The following PTPRD variants were observed in gnomAD, a reference collection of about 807,000 sequenced individuals.
PTPRD encodes receptor-type tyrosine-protein phosphatase delta.
PTPRD carries 34 observed loss-of-function variants against 214.5 expected under a neutral mutation model. That is an observed-to-expected ratio of 0.16 (90% CI 0.12 to 0.21). The LOEUF is 0.21. Among genes scored for constraint, PTPRD ranks in the 10% least tolerant of loss-of-function variants. The probability of loss-of-function intolerance (pLI) is 1.00; values close to 1 mark genes in which losing one functional copy is unlikely to be tolerated. For synonymous variants in PTPRD, 1,128 were observed against 845.7 expected (o/e 1.33, Z -5.79); for missense variants, 2,545 against 2,398.7 (o/e 1.06, Z -1.27).
chr9:9,112,030 C>G (rs1415657508), intron 10 of PTPRD, among the ~76,000 whole-genome samples: 1 of 152,108 alleles, frequency 6.6e-6, no homozygotes, highest in Non-Finnish European at 1.5e-5. Flanking sequence ...AGCCATTTTT[C>G]TTCTCATTTT....
At chr9:9,801,880 TCAGGCAAG>T (rs983570425) in intron 5 of PTPRD, among the ~76,000 whole-genome samples, 132 of 152,132 alleles carry the variant, frequency 8.7e-4, no homozygotes, top group African/African-American at 3.1e-3. Flanking sequence ...GGCACAAAAC[TCAGGCAAG>T]CAGTGCTTAC....
chr9:9,771,941 G>C (rs1390646974), intron 5 of PTPRD, among the ~76,000 whole-genome samples: 1 of 152,060 alleles, frequency 6.6e-6, no homozygotes, highest in Non-Finnish European at 1.5e-5. Context: ...AAACAGATAA[G>C]CATCATTGTT....
At chr9:10,553,608 G>C (rs1268627901) in intron 2 of PTPRD, among the ~76,000 whole-genome samples, 1 of 151,898 alleles carries the variant, frequency 6.6e-6, no homozygotes, top group Non-Finnish European at 1.5e-5. Context: ...AGTTTCATCT[G>C]GCTTTATTTA....
At chr9:9,748,938 G>A (rs2098485503) in intron 6 of PTPRD, among the ~76,000 whole-genome samples, 1 of 152,090 alleles carries the variant, frequency 6.6e-6, no homozygotes, top group Non-Finnish European at 1.5e-5. Context: ...TGACAACATG[G>A]CTGGTGATAA....
chr9:9,192,765 T>C (rs1433784093), intron 9 of PTPRD, among the ~76,000 whole-genome samples: 1 of 151,986 alleles, frequency 6.6e-6, no homozygotes, highest in Non-Finnish European at 1.5e-5. Context: ...GGAAAACTAA[T>C]TTACACTGGA....
intron 8 of PTPRD, among the ~76,000 whole-genome samples, chr9:9,571,731 G>T (rs1035212854): frequency 3.3e-4 from 49 of 150,582 alleles, no homozygotes; most frequent in Admixed American, 9.3e-4. Context: ...TATATATATT[G>T]ATTTAACAAA....
intron 34 of PTPRD, among the ~76,000 whole-genome samples, chr9:8,444,790 A>G (rs1265845941): frequency 2.0e-5 from 3 of 152,154 alleles, no homozygotes; most frequent in African/African-American, 7.2e-5. Flanking sequence ...CGGAGAGACT[A>G]AAGTAATTTG....
chr9:9,164,956 C>T (rs569554014), intron 10 of PTPRD, among the ~76,000 whole-genome samples: 28 of 150,786 alleles, frequency 1.9e-4, no homozygotes, highest in South Asian at 4.2e-4. Context: ...GGGAGGCTGA[C>T]GTAGGAGAAT....
chr9:8,358,976 C>G (rs1026458446), intron 39 of PTPRD, among the ~76,000 whole-genome samples: 3 of 149,672 alleles, frequency 2.0e-5, no homozygotes, highest in Non-Finnish European at 4.4e-5. Context: ...GGCGTGGTGG[C>G]GGGCGCCTGT....
intron 8 of PTPRD, among the ~76,000 whole-genome samples, chr9:9,550,781 G>A (rs2080015780): frequency 6.6e-6 from 1 of 151,528 alleles, no homozygotes; most frequent in Non-Finnish European, 1.5e-5. Flanking sequence ...AATAGCAAAG[G>A]AGCAAAAGAC....
rs993964332 is a variant in PTPRD, at chr9:9,090,879, T to C, written c.-142-72144A>G. ...TTAAAAATTTCTTTAAATAGCTGTC[T>C]CCGGTCCGTGCCTCCAAGATGACAA... On this transcript the variant is annotated intron_variant, in intron 10 of 45. Transcript: ENST00000381196. 18 of 1,012,846 alleles carry C rather than the reference T, an allele frequency of 1.8e-5. No individual in the cohort carries two copies. The East Asian group carries it at 2.4e-4, about 13-fold the overall frequency. The allele number at this position is 1,012,846 out of a possible 1,614,324, so 62.7% of individuals were successfully genotyped here.
At chr9:8,643,415 C>G (rs2096619097) in intron 12 of PTPRD, among the ~76,000 whole-genome samples, 1 of 152,056 alleles carries the variant, frequency 6.6e-6, no homozygotes, top group Non-Finnish European at 1.5e-5. Context: ...TATGAAAAGA[C>G]AGTAAGGAGG....
chr9:10,334,965 T>C lies in PTPRD; in HGVS notation c.-545+5998A>G, dbSNP rs1185940875. ...AAAAATCTAAGTAAATGGAGAAATA[T>C]TCCATGTTCAAGAACAAGAAGACTC... On this transcript the variant is annotated intron_variant, in intron 3 of 45. Transcript: ENST00000381196. 4.0e-5 allele frequency among the ~76,000 whole-genome samples: 6 copies of C among 151,832 alleles called. No homozygotes were observed. In the South Asian group the frequency reaches 8.3e-4, roughly 21 times the overall value.
In PTPRD at chr9:9,994,727, T is replaced by C. The variant is rs958738582; in HGVS notation, c.-472+38991A>G. 6.6e-5 allele frequency among the ~76,000 whole-genome samples: 10 copies of C among 152,286 alleles called. No individual in the cohort carries two copies. The South Asian group carries it at 1.0e-3, about 16-fold the overall frequency. ...AAACAATCACAAAACATATTTACAATTGAACAAATGTTTAGCTAAAATATT... is the reference window on the plus strand; with the variant it reads ...AAACAATCACAAAACATATTTACAACTGAACAAATGTTTAGCTAAAATATT... On this transcript the variant is annotated intron_variant, in intron 4 of 45. Transcript: ENST00000381196.
chr9:10,280,975 T>A (rs2095072209), intron 3 of PTPRD, among the ~76,000 whole-genome samples: 1 of 152,170 alleles, frequency 6.6e-6, no homozygotes, highest in South Asian at 2.1e-4. Flanking sequence ...GGAATCACAT[T>A]TGAGAACCAC....
intron 11 of PTPRD, among the ~76,000 whole-genome samples, chr9:8,842,620 T>C (rs1489058483): frequency 6.6e-6 from 1 of 152,092 alleles, no homozygotes. Flanking sequence ...TCTCTACTAC[T>C]CTGTCTCTCA....
intron 3 of PTPRD, among the ~76,000 whole-genome samples, chr9:10,330,791 G>T (rs1402932625): frequency 2.6e-5 from 4 of 151,796 alleles, no homozygotes; most frequent in African/African-American, 7.3e-5. Flanking sequence ...TAGGCAGAGG[G>T]CAGCAAAAAG....
In PTPRD at chr9:9,649,900, T is replaced by C. The variant is rs146536490; in HGVS notation, c.-286-75119A>G. On this transcript the variant is annotated intron_variant, in intron 7 of 45. Coordinates refer to ENST00000381196, the MANE Select transcript of PTPRD (RefSeq NM_002839.4). The stretch of plus-strand genomic sequence containing the variant: ...TTCTCAGAAAGTGAAATAAATATAT[T>C]TGGAGCAATCAAGTTTTAGAAATGT... 2.4e-3 allele frequency among the ~76,000 whole-genome samples: 358 copies of C among 152,296 alleles called. 2 individuals carry two copies. Among genetic ancestry groups the C allele is most frequent in the African/African-American group, 8.1e-3 (336 of 41,576 alleles).
intron 9 of PTPRD, among the ~76,000 whole-genome samples, chr9:9,285,408 T>C (rs1312327501): frequency 6.6e-6 from 1 of 151,812 alleles, no homozygotes; most frequent in Non-Finnish European, 1.5e-5. Flanking sequence ...TTCTAAAATT[T>C]TTTTTCTCAA....
Sources: allele counts gnomAD v4.1 joint callset (sites outside exome capture counted in the v4.1 genomes callset), GRCh38; gene constraint gnomAD v4.1.1; transcripts MANE v1.5; gene names NCBI Gene and HGNC (gene_info 2026-07-23, HGNC 2026-07-21).